The following RNF152 variants were observed in gnomAD, a reference collection of about 807,000 sequenced individuals.
RNF152 encodes ring finger protein 152.
A neutral mutation model predicts 12.7 loss-of-function variants in RNF152; 11 were observed. The observed-to-expected ratio is 0.86, with a 90% confidence interval of 0.54 to 1.43. The LOEUF (loss-of-function observed/expected upper bound fraction) is 1.43. Ranked by LOEUF, RNF152 falls within the 40% of genes most tolerant of loss-of-function variation. The pLI, the probability that RNF152 is intolerant of heterozygous loss-of-function variation, is 0.00. For synonymous variants in RNF152, 113 were observed against 120.3 expected (o/e 0.94, Z 0.40); for missense variants, 255 against 274.8 (o/e 0.93, Z 0.51).
intron 1 of RNF152, among the ~76,000 whole-genome samples, chr18:61,838,060 C>T (rs934564304): frequency 2.6e-5 from 4 of 152,208 alleles, no homozygotes; most frequent in Admixed American, 6.5e-5. Flanking sequence ...CCCGTCCCCA[C>T]ATACAAAGGT....
chr18:61,830,680 G>A (rs1599273442), intron 1 of RNF152, among the ~76,000 whole-genome samples: 2 of 152,304 alleles, frequency 1.3e-5, no homozygotes, highest in East Asian at 3.9e-4. Flanking sequence ...AAAGGAAAGA[G>A]GGGCAAGGCT....
chr18:61,869,977 G>T (rs1450905625), intron 1 of RNF152, among the ~76,000 whole-genome samples: 1 of 152,340 alleles, frequency 6.6e-6, no homozygotes, highest in African/African-American at 2.4e-5. Context: ...CTTGACAGAG[G>T]CTTTTACGTT....
At chr18:61,835,145 T>C (rs1267326173) in intron 1 of RNF152, among the ~76,000 whole-genome samples, 2 of 152,236 alleles carry the variant, frequency 1.3e-5, no homozygotes, top group African/African-American at 2.4e-5. Flanking sequence ...GATTTAACTT[T>C]TGACCCAGCA....
At chr18:61,888,501 C>T (rs1912799996) in intron 1 of RNF152, 1 of 152,178 alleles carries the variant, frequency 6.6e-6, no homozygotes, top group Admixed American at 6.5e-5. Flanking sequence ...ATTCAATAAA[C>T]TACATGAGAT....
rs373011013 is a variant in RNF152 at position 61,848,309 on chromosome 18, G to A, written c.-135-31711C>T. ...TCTAGCTTTCTCAATATTTTTGCAAGATATCAGTGCTTCCACAATTTTTCT... is the reference window on the plus strand; with the variant it reads ...TCTAGCTTTCTCAATATTTTTGCAAAATATCAGTGCTTCCACAATTTTTCT... On this transcript the variant is annotated intron_variant, in intron 1 of 1. Transcript: ENST00000312828. 3.3e-5 allele frequency among the ~76,000 whole-genome samples: 5 copies of A among 152,222 alleles called. No individual in the cohort carries two copies. In the South Asian group the frequency reaches 6.2e-4, roughly 19 times the overall value.
At chr18:61,864,306 T>C (rs1423417269) in intron 1 of RNF152, among the ~76,000 whole-genome samples, 1 of 152,148 alleles carries the variant, frequency 6.6e-6, no homozygotes, top group Non-Finnish European at 1.5e-5. Flanking sequence ...TCCGGTTTAG[T>C]AACTTGTGAG....
intron 1 of RNF152, among the ~76,000 whole-genome samples, chr18:61,829,597 G>GGAGAGA (rs111850940): frequency 0.096 from 13,698 of 142,086 alleles, 707 homozygotes; most frequent in Middle Eastern, 0.13. Context: ...AGAGAGATAA[G>GGAGAGA]GAGAGAGAGA....
At chr18:61,863,433 C>CAAAA (rs34663065) in intron 1 of RNF152, among the ~76,000 whole-genome samples, 3 of 90,950 alleles carry the variant, frequency 3.3e-5, no homozygotes, top group Admixed American at 1.1e-4. Flanking sequence ...GACTCCGTCT[C>CAAAA]AAAAAAAAAA....
chr18:61,852,429 T>C (rs1218258119), intron 1 of RNF152, among the ~76,000 whole-genome samples: 5 of 152,184 alleles, frequency 3.3e-5, no homozygotes, highest in Non-Finnish European at 5.9e-5. Context: ...TAATAAATAC[T>C]TTTGTATTTC....
chr18:61,891,284 T>A (rs1325477493), intron 1 of RNF152, among the ~76,000 whole-genome samples: 1 of 152,210 alleles, frequency 6.6e-6, no homozygotes, highest in Admixed American at 6.5e-5. Flanking sequence ...CAATGGACAC[T>A]TTATTATGAT....
In RNF152 at chr18:61,811,906, A is replaced by G. The variant is rs1908822160; in HGVS notation, c.*3946T>C. On this transcript the variant is annotated 3_prime_UTR_variant, in exon 2 of 2. Transcript: ENST00000312828. The stretch of plus-strand genomic sequence containing the variant: ...AATGATCCCAGAAAAGGGGCTTAAT[A>G]AAGCATTCTTTAAGCTTCACTGATC... 1 of 152,242 alleles carries G rather than the reference A, an allele frequency of 6.6e-6. No homozygotes were observed. Among genetic ancestry groups the G allele is most frequent in the Non-Finnish European group, 1.5e-5 (1 of 68,050 alleles). 9.4% of individuals were successfully genotyped at this position (152,242 alleles called of 1,614,324 possible). A position where few individuals can be genotyped will look rare whatever the true frequency, so the allele number is the denominator to read the frequency against.
At chr18:61,875,906 A>G (rs1416650902) in intron 1 of RNF152, among the ~76,000 whole-genome samples, 1 of 151,892 alleles carries the variant, frequency 6.6e-6, no homozygotes, top group Non-Finnish European at 1.5e-5. Flanking sequence ...CATATTGATG[A>G]CTGCCAGATT....
At chr18:61,858,986 G>A (rs75744069) in intron 1 of RNF152, among the ~76,000 whole-genome samples, 1,553 of 151,840 alleles carry the variant, frequency 0.01, 12 homozygotes, top group South Asian at 0.017. Context: ...TTACGCGCCG[G>A]GTGATGTCAA....
Position 61,811,738 on chromosome 18 carries a change from C to T in RNF152, c.*4114G>A, listed in dbSNP as rs77207352. The T allele has an allele frequency of 2.6e-5, 4 of 151,466 alleles. No individual in the cohort carries two copies. The highest frequency in any genetic ancestry group is 5.9e-5 in the Non-Finnish European group (4 of 67,846). The allele number at this position is 151,466 out of a possible 1,614,324, so 9.4% of individuals were successfully genotyped here. A position where few individuals can be genotyped will look rare whatever the true frequency, so the allele number is the denominator to read the frequency against. On this transcript the variant is annotated 3_prime_UTR_variant, in exon 2 of 2. Coordinates refer to ENST00000312828, the MANE Select transcript of RNF152 (RefSeq NM_173557.3). ...GGAAGTGAACAGGGATTTCATTAGGCTTTTTTTTTCCTGTAACATTTACTT... is the reference window on the plus strand; with the variant it reads ...GGAAGTGAACAGGGATTTCATTAGGTTTTTTTTTTCCTGTAACATTTACTT...
intron 1 of RNF152, among the ~76,000 whole-genome samples, chr18:61,876,234 A>T (rs117559360): frequency 3.8e-4 from 58 of 152,290 alleles, no homozygotes; most frequent in Non-Finnish European, 7.1e-4. Context: ...AATCCTCTGA[A>T]TTCCACTACC....
chr18:61,824,269 G>A (rs1469774365), intron 1 of RNF152, among the ~76,000 whole-genome samples: 2 of 152,172 alleles, frequency 1.3e-5, no homozygotes, highest in Non-Finnish European at 2.9e-5. Flanking sequence ...ACCTCTAGAT[G>A]AGCCTCCTAT....
At chr18:61,833,844 A>T (rs182974443) in intron 1 of RNF152, among the ~76,000 whole-genome samples, 18 of 152,204 alleles carry the variant, frequency 1.2e-4, no homozygotes, top group Admixed American at 2.0e-4. Context: ...GACCTCTCTC[A>T]ATTATAGCTA....
intron 1 of RNF152, among the ~76,000 whole-genome samples, chr18:61,824,000 G>C (rs1909540782): frequency 6.6e-6 from 1 of 152,204 alleles, no homozygotes; most frequent in Non-Finnish European, 1.5e-5. Context: ...CCCAGCCCCA[G>C]GTGCATTTTG....
chr18:61,884,929 C>T (rs1912621258), intron 1 of RNF152, among the ~76,000 whole-genome samples: 1 of 152,202 alleles, frequency 6.6e-6, no homozygotes, highest in South Asian at 2.1e-4. Context: ...CTCAGTGTTT[C>T]AAATGCTATT....
Sources: gnomAD v4.1 joint callset for allele counts (sites outside exome capture counted in the v4.1 genomes callset) on GRCh38, gnomAD v4.1.1 for gene constraint, MANE v1.5 for transcripts, NCBI Gene and HGNC (gene_info 2026-07-23, HGNC 2026-07-21) for gene names.